FBXW11: variants seen among roughly 807,000 people sequenced by gnomAD.
The protein encoded by FBXW11 is F-box and WD repeat domain containing 11, also known as F-box/WD repeat-containing protein 11.
A neutral mutation model predicts 77.6 loss-of-function variants in FBXW11; 19 were observed. That is an observed-to-expected ratio of 0.24 (90% CI 0.17 to 0.36). The LOEUF is 0.36. FBXW11 is among the 10% of genes least tolerant of loss of function. FBXW11 has a pLI of 1.00. For missense variants in FBXW11, 334 were observed against 704.2 expected (o/e 0.47, Z 5.95); for synonymous variants, 235 against 249.4 (o/e 0.94, Z 0.54).
chr5:171,998,430 C>T (rs1766201244), intron 1 of FBXW11, among the ~76,000 whole-genome samples: 1 of 149,632 alleles, frequency 6.7e-6, no homozygotes, highest in African/African-American at 2.5e-5. Flanking sequence ...CTACCTTGGC[C>T]TCCCAAAGGG....
intron 5 of FBXW11, 146 bp from the exon 6 acceptor site, chr5:171,899,240 T>C: frequency 1.8e-6 from 1 of 557,832 alleles, no homozygotes; most frequent in Non-Finnish European, 3.1e-6. Context: ...TCTGACAAAT[T>C]TACATGTTAC....
intron 2 of FBXW11, among the ~76,000 whole-genome samples, chr5:171,936,547 TAAAAC>T (rs1352937095): frequency 2.1e-5 from 3 of 144,406 alleles, no homozygotes; most frequent in Admixed American, 2.1e-4. Context: ...AAATTATAAT[TAAAAC>T]TAACAAAAAT....
At chr5:171,977,003 G>T (rs1764865035) in intron 1 of FBXW11, among the ~76,000 whole-genome samples, 1 of 150,800 alleles carries the variant, frequency 6.6e-6, no homozygotes, top group African/African-American at 2.4e-5. Context: ...CCAAAATGGT[G>T]CAGCCTGGGC....
Position 171,902,278 on chromosome 5 carries a change from G to A in FBXW11, c.437-2178C>T, listed in dbSNP as rs1760178149. The stretch of plus-strand genomic sequence containing the variant: ...GGTATGGCTGCTTTCATGTTCCCGT[G>A]CTGGGGTTTACTACATAAAGTTGTA... On this transcript the variant is annotated intron_variant, in intron 4 of 13. Transcript: ENST00000517395. Among the ~76,000 whole-genome samples the A allele has an allele frequency of 2.6e-5, 4 of 152,206 alleles. No homozygotes were observed. In the South Asian group the frequency reaches 8.3e-4, roughly 31 times the overall value.
chr5:171,997,622 C>T (rs1229716369), intron 1 of FBXW11, among the ~76,000 whole-genome samples: 1 of 152,176 alleles, frequency 6.6e-6, no homozygotes, highest in Non-Finnish European at 1.5e-5. Context: ...ACTTCTGACT[C>T]AGTAAAGGCC....
intron 1 of FBXW11, among the ~76,000 whole-genome samples, chr5:171,969,390 T>TTC (rs1379601134): frequency 6.6e-6 from 1 of 152,220 alleles, no homozygotes; most frequent in Non-Finnish European, 1.5e-5. Context: ...GAAATGTATC[T>TTC]TCTCTCAATA....
chr5:171,977,016 C>T (rs1222258097), intron 1 of FBXW11, among the ~76,000 whole-genome samples: 1 of 146,712 alleles, frequency 6.8e-6, no homozygotes, highest in East Asian at 2.0e-4. Context: ...GCCTGGGCAA[C>T]AAGAGTAAAA....
At chr5:171,998,667 C>G (rs994795875) in intron 1 of FBXW11, among the ~76,000 whole-genome samples, 1 of 151,426 alleles carries the variant, frequency 6.6e-6, no homozygotes, top group East Asian at 2.0e-4. Context: ...CCTGGTGGCA[C>G]ATGCCTACAA....
At chr5:171,956,375 G>C (rs111775545) in intron 2 of FBXW11, among the ~76,000 whole-genome samples, 50 of 152,238 alleles carry the variant, frequency 3.3e-4, no homozygotes, top group African/African-American at 1.0e-3. Flanking sequence ...GTTCTTGTAA[G>C]GTGAGACTTG....
intron 1 of FBXW11, among the ~76,000 whole-genome samples, chr5:172,000,030 T>C (rs1003477822): frequency 3.9e-5 from 6 of 152,222 alleles, no homozygotes; most frequent in African/African-American, 1.4e-4. Context: ...CAGGTCTTCC[T>C]GGTCTGTCTC....
At chr5:171,937,781 T>C (rs1561702245) in intron 2 of FBXW11, among the ~76,000 whole-genome samples, 1 of 151,090 alleles carries the variant, frequency 6.6e-6, no homozygotes, top group Admixed American at 6.6e-5. Flanking sequence ...TGAACCATGA[T>C]TGTGCCACTG....
At chr5:171,963,740 A>C (rs542281364) in intron 1 of FBXW11, among the ~76,000 whole-genome samples, 10 of 152,208 alleles carry the variant, frequency 6.6e-5, no homozygotes, top group Non-Finnish European at 1.3e-4. Context: ...GCATAACATC[A>C]AGCCAAAGCC....
intron 2 of FBXW11, among the ~76,000 whole-genome samples, chr5:171,915,380 C>T (rs1366380404): frequency 1.3e-5 from 2 of 152,166 alleles, no homozygotes; most frequent in African/African-American, 4.8e-5. Context: ...CAAATTTTCC[C>T]TATTTTTCCT....
chr5:171,993,668 A>C (rs1468898004), intron 1 of FBXW11, among the ~76,000 whole-genome samples: 2 of 152,178 alleles, frequency 1.3e-5, no homozygotes, highest in Non-Finnish European at 2.9e-5. Context: ...TATCACTGTA[A>C]ATTAATAAAT....
At chr5:171,912,091 C>A (rs1760915211) in intron 3 of FBXW11, among the ~76,000 whole-genome samples, 1 of 152,166 alleles carries the variant, frequency 6.6e-6, no homozygotes, top group Non-Finnish European at 1.5e-5. Flanking sequence ...ATCAGTATGT[C>A]CCCTAACTTA....
intron 2 of FBXW11, among the ~76,000 whole-genome samples, chr5:171,932,705 T>C (rs1264878357): frequency 6.6e-6 from 1 of 152,064 alleles, no homozygotes; most frequent in Admixed American, 6.6e-5. Context: ...TTTTTACTTG[T>C]CCAAATGAAG....
chr5:172,002,375 T>A (rs376144046), intron 1 of FBXW11, among the ~76,000 whole-genome samples: 4 of 152,132 alleles, frequency 2.6e-5, no homozygotes, highest in African/African-American at 9.6e-5. Flanking sequence ...AGCCAATGCC[T>A]CTTTAGGCAG....
chr5:171,954,021 G>C (rs1221565986), intron 2 of FBXW11, among the ~76,000 whole-genome samples: 1 of 152,174 alleles, frequency 6.6e-6, no homozygotes, highest in Non-Finnish European at 1.5e-5. Flanking sequence ...CTCAATTCAC[G>C]TGATCCTCAC....
At position 171,862,469 on chromosome 5, in the gene FBXW11, G is replaced by C. The variant is rs977423417; in HGVS notation, c.*1658C>G. The C allele has an allele frequency of 1.3e-5, 2 of 152,660 alleles. No individual in the cohort carries two copies. The highest frequency in any genetic ancestry group is 4.8e-5 in the African/African-American group (2 of 41,448). The allele number at this position is 152,660 out of a possible 1,614,324, so 9.5% of individuals were successfully genotyped here. A position where few individuals can be genotyped will look rare whatever the true frequency, so the allele number is the denominator to read the frequency against. On this transcript the variant is annotated 3_prime_UTR_variant, in exon 14 of 14. Transcript: ENST00000517395. ...TTAGTAGTAGAGTGTGCTTCCACGGGAAGAGGTTTACTTTATAGGAGGCTG... is the reference window on the plus strand; with the variant it reads ...TTAGTAGTAGAGTGTGCTTCCACGGCAAGAGGTTTACTTTATAGGAGGCTG...
Sources: gnomAD v4.1 joint callset for allele counts (sites outside exome capture counted in the v4.1 genomes callset) on GRCh38, gnomAD v4.1.1 for gene constraint, MANE v1.5 for transcripts, NCBI Gene and HGNC (gene_info 2026-07-23, HGNC 2026-07-21) for gene names.